The following ZFAND3 variants were observed in gnomAD, a reference collection of about 807,000 sequenced individuals.
The protein encoded by ZFAND3 is zinc finger AN1-type containing 3, also known as AN1-type zinc finger protein 3.
Under a neutral mutation model 29.6 loss-of-function variants are expected in ZFAND3, and 10 were observed. That is an observed-to-expected ratio of 0.34 (90% CI 0.21 to 0.57). ZFAND3 has a LOEUF of 0.57. ZFAND3 is among the 20% of genes least tolerant of loss of function. The probability of loss-of-function intolerance (pLI) is 0.86; values close to 1 mark genes in which losing one functional copy is unlikely to be tolerated. For missense variants in ZFAND3, 230 were observed against 304.5 expected, an observed-to-expected ratio of 0.76 and a Z score of 1.82; for synonymous variants, 128 against 112.6, an observed-to-expected ratio of 1.14 and a Z score of -0.87.
Position 38,153,648 on chromosome 6 carries a change from T to C in ZFAND3, c.*1259T>C, listed in dbSNP as rs1186046513. 1.6e-5 allele frequency: 16 copies of C among 984,762 alleles called. No homozygotes were observed. Among genetic ancestry groups the C allele is most frequent in the Non-Finnish European group, 1.9e-5 (16 of 829,830 alleles). 61.0% of individuals were successfully genotyped at this position (984,762 alleles called of 1,614,324 possible). ...CATGTTCACAGAGGATTTCAGCAGC[T>C]GCAACTGCGCACGCCAGGTGGGGAA... On this transcript the variant is annotated 3_prime_UTR_variant, in exon 6 of 6. Coordinates refer to ENST00000287218, the MANE Select transcript of ZFAND3 (RefSeq NM_021943.3).
intron 3 of ZFAND3, among the ~76,000 whole-genome samples, chr6:38,075,305 G>C (rs112825323): frequency 0.068 from 10,379 of 152,190 alleles, 423 homozygotes; most frequent in Non-Finnish European, 0.087. Flanking sequence ...ATGGGAGAAG[G>C]TCAAAATATC....
In ZFAND3 at chr6:38,152,415, G is replaced by A. The variant is rs775979493; in HGVS notation, c.*26G>A. 1.3e-5 allele frequency: 20 copies of A among 1,543,690 alleles called. No homozygotes were observed. The highest frequency in any genetic ancestry group is 8.8e-5 in the South Asian group (7 of 79,314). On this transcript the variant is annotated 3_prime_UTR_variant, in exon 6 of 6. Transcript: ENST00000287218. The stretch of plus-strand genomic sequence containing the variant: ...AGGCCAGGCATGGCCACCACGTGAC[G>A]CTGTTCTTAGTTCACTAATGTTAGC...
chr6:38,128,868 G>A (rs1765688550), intron 5 of ZFAND3, among the ~76,000 whole-genome samples: 1 of 152,194 alleles, frequency 6.6e-6, no homozygotes, highest in African/African-American at 2.4e-5. Context: ...CCAGTAGTGG[G>A]ATTGCCGGAT....
chr6:38,114,589 G>A (rs931130961), intron 4 of ZFAND3, among the ~76,000 whole-genome samples: 8 of 152,224 alleles, frequency 5.3e-5, no homozygotes, highest in African/African-American at 1.9e-4. Flanking sequence ...GCTAAGAATG[G>A]TGCAGGGCCT....
intron 3 of ZFAND3, among the ~76,000 whole-genome samples, chr6:38,076,042 G>A (rs1301243326): frequency 4.6e-5 from 7 of 152,132 alleles, no homozygotes; most frequent in Admixed American, 3.9e-4. Context: ...GTGAGCCACC[G>A]ATCCCGGCCT....
intron 1 of ZFAND3, among the ~76,000 whole-genome samples, chr6:37,900,556 A>AT (rs939184335): frequency 1.3e-5 from 2 of 152,080 alleles, no homozygotes; most frequent in African/African-American, 2.4e-5. Context: ...AGTTCTGTAG[A>AT]TTTTTTTCCC....
In ZFAND3 at chr6:37,994,825, A is replaced by T. The variant is rs149449020; in HGVS notation, c.112+64826A>T. ...GGTGCTGTTGTGTGTTTTGTAAACA[A>T]ACATTCATCTTTAGTGGCTAGATAT... On this transcript the variant is annotated intron_variant, in intron 2 of 5. Transcript: ENST00000287218. Among the ~76,000 whole-genome samples the T allele has an allele frequency of 6.3e-3, 955 of 152,318 alleles. 6 individuals are homozygous for T. The highest frequency in any genetic ancestry group is 0.017 in the Middle Eastern group (5 of 294).
At chr6:38,079,324 A>G (rs903038523) in intron 3 of ZFAND3, among the ~76,000 whole-genome samples, 2 of 152,190 alleles carry the variant, frequency 1.3e-5, no homozygotes, top group Non-Finnish European at 2.9e-5. Context: ...TTACTGTAAT[A>G]TAGTGAATAC....
intron 1 of ZFAND3, among the ~76,000 whole-genome samples, chr6:37,886,237 CAAAAAAAAAAAAA>C (rs55661554): frequency 2.0e-4 from 19 of 95,296 alleles, no homozygotes; most frequent in Admixed American, 5.6e-4. Flanking sequence ...GACTCTGTCT[CAAAAAAAAAAAAA>C]AAAAAAAAAA....
chr6:38,061,203 G>A (rs1477560335), intron 2 of ZFAND3, among the ~76,000 whole-genome samples: 1 of 152,072 alleles, frequency 6.6e-6, no homozygotes, highest in Non-Finnish European at 1.5e-5. Context: ...ATCTTATTAT[G>A]TGTTTTCTGT....
At chr6:38,144,424 G>A (rs1353522544) in intron 5 of ZFAND3, among the ~76,000 whole-genome samples, 1 of 151,904 alleles carries the variant, frequency 6.6e-6, no homozygotes, top group Non-Finnish European at 1.5e-5. Context: ...GTCTGCTGGA[G>A]CTCATGTGCA....
At chr6:38,031,715 A>G (rs1477045056) in intron 2 of ZFAND3, among the ~76,000 whole-genome samples, 1 of 152,180 alleles carries the variant, frequency 6.6e-6, no homozygotes, top group Non-Finnish European at 1.5e-5. Context: ...TTTGTTGGTT[A>G]ATTGAGATAA....
chr6:38,151,638 C>T (rs1278801937), intron 5 of ZFAND3, among the ~76,000 whole-genome samples: 3 of 152,124 alleles, frequency 2.0e-5, no homozygotes, highest in Admixed American at 6.6e-5. Context: ...TTGGAGATGG[C>T]GATTGGAGCC....
intron 2 of ZFAND3, among the ~76,000 whole-genome samples, chr6:37,964,086 C>T (rs996798424): frequency 2.6e-5 from 4 of 152,118 alleles, no homozygotes; most frequent in African/African-American, 9.7e-5. Context: ...CTCAGGTTTT[C>T]CTTGTCCTCC....
intron 2 of ZFAND3, among the ~76,000 whole-genome samples, chr6:38,048,806 C>T (rs1056022999): frequency 6.6e-6 from 1 of 151,932 alleles, no homozygotes; most frequent in African/African-American, 2.4e-5. Context: ...CTGTCTGATT[C>T]TTTGTGTATT....
chr6:37,937,352 T>G (rs1169743126), intron 2 of ZFAND3, among the ~76,000 whole-genome samples: 3 of 152,150 alleles, frequency 2.0e-5, no homozygotes, highest in Non-Finnish European at 4.4e-5. Flanking sequence ...GAATTCACCT[T>G]TTCCCAAAAG....
rs548422666 is a variant in ZFAND3 at position 38,113,156 on chromosome 6, T to A, written c.362-3416T>A. Among the ~76,000 whole-genome samples the A allele has an allele frequency of 2.6e-5, 4 of 152,306 alleles. No individual in the cohort carries two copies. The South Asian group carries it at 8.3e-4, about 32-fold the overall frequency. ...CTTGCTATCTGGAATAGTTCTTTGATTCTAAAACATAACACATTCTGTTAG... is the reference window on the plus strand; with the variant it reads ...CTTGCTATCTGGAATAGTTCTTTGAATCTAAAACATAACACATTCTGTTAG... On this transcript the variant is annotated intron_variant, in intron 4 of 5. Coordinates refer to ENST00000287218, the MANE Select transcript of ZFAND3 (RefSeq NM_021943.3).
intron 2 of ZFAND3, among the ~76,000 whole-genome samples, chr6:37,993,712 G>A (rs1337117198): frequency 6.6e-6 from 1 of 152,096 alleles, no homozygotes; most frequent in Non-Finnish European, 1.5e-5. Flanking sequence ...GTGTGCACGT[G>A]TCATTTCCTT....
intron 2 of ZFAND3, among the ~76,000 whole-genome samples, chr6:37,948,357 G>A (rs1174658003): frequency 6.6e-5 from 10 of 152,120 alleles, no homozygotes; most frequent in Non-Finnish European, 1.2e-4. Flanking sequence ...CTTTTTAATT[G>A]CAGATAATGT....
Sources: gnomAD v4.1 joint callset for allele counts (sites outside exome capture counted in the v4.1 genomes callset) on GRCh38, gnomAD v4.1.1 for gene constraint, MANE v1.5 for transcripts, NCBI Gene and HGNC (gene_info 2026-07-23, HGNC 2026-07-21) for gene names.